The following DNAH14 variants were observed in gnomAD, a reference collection of about 807,000 sequenced individuals.
DNAH14 encodes dynein axonemal heavy chain 14.
In DNAH14, 478 loss-of-function variants were observed where a neutral mutation model predicts 520.9. That is an observed-to-expected ratio of 0.92 (90% CI 0.85 to 0.99). DNAH14 has a LOEUF of 0.99. Among genes scored for constraint, DNAH14 ranks in the 50% least tolerant of loss-of-function variants. DNAH14 has a pLI of 0.00. For synonymous variants in DNAH14, 1,581 were observed against 1,757.2 expected (o/e 0.90, Z 2.51); for missense variants, 4,831 against 5,234.5 (o/e 0.92, Z 2.38).
chr1:225,060,438 A>T (rs2069878195), intron 17 of DNAH14, among the ~76,000 whole-genome samples: 1 of 151,758 alleles, frequency 6.6e-6, no homozygotes, highest in African/African-American at 2.4e-5. Flanking sequence ...AAGGGTTTTA[A>T]CTTCTTTGCC....
At chr1:224,969,051 A>G (rs995246018) in intron 7 of DNAH14, 177 bp downstream of exon 7, 1 of 453,500 alleles carries the variant, frequency 2.2e-6, no homozygotes. Flanking sequence ...AGAAATGCCA[A>G]TAATTTTGGC....
intron 23 of DNAH14, among the ~76,000 whole-genome samples, chr1:225,112,270 T>G (rs756533052): frequency 1.3e-5 from 2 of 152,190 alleles, no homozygotes; most frequent in Non-Finnish European, 2.9e-5. Context: ...TTTTTCCTTC[T>G]GCACTTCAAG....
At chr1:225,083,151 T>C (rs1027543703) in intron 20 of DNAH14, among the ~76,000 whole-genome samples, 1 of 152,140 alleles carries the variant, frequency 6.6e-6, no homozygotes, top group Non-Finnish European at 1.5e-5. Context: ...ACATTATATT[T>C]AAAATGCATA....
intron 77 of DNAH14, among the ~76,000 whole-genome samples, chr1:225,374,318 G>A (rs1275426506): frequency 6.9e-6 from 1 of 144,544 alleles, no homozygotes; most frequent in Non-Finnish European, 1.5e-5. Flanking sequence ...CTGGAGTACA[G>A]CGGCCTGATC....
At chr1:225,135,804 A>C (rs1203503125) in intron 27 of DNAH14, among the ~76,000 whole-genome samples, 1 of 152,084 alleles carries the variant, frequency 6.6e-6, no homozygotes. Context: ...ATCTCTTTGT[A>C]GGTCTCTAAG....
chr1:225,036,544 C>T (rs1478167775), intron 11 of DNAH14, among the ~76,000 whole-genome samples: 1 of 152,098 alleles, frequency 6.6e-6, no homozygotes, highest in African/African-American at 2.4e-5. Flanking sequence ...GTGTCTGTTC[C>T]CATACATCTT....
chr1:225,346,213 T>G lies in DNAH14; in HGVS notation c.10930T>G (p.Ser3644Ala). 1.3e-6 allele frequency: 2 copies of G among 1,551,620 alleles called. No homozygotes were observed. Among genetic ancestry groups the G allele is most frequent in the Non-Finnish European group, 1.7e-6 (2 of 1,146,962 alleles). ...TCAGGTTTTTGTTTCATCAGTAGTT[T>G]CCAAAAGCAAAGAACAAGAACATAG... ...FHQVFVSSVV[S>A]KSKEQEHSFK... Residue 3644 changes from serine (S) to alanine (A), a missense_variant, in exon 70 of 86, where the codon TCC becomes GCC. Physicochemically the swap from Ser to Ala is moderately conservative, Grantham distance 99. Coordinates refer to ENST00000682510, the MANE Select transcript of DNAH14 (RefSeq NM_001367479.1).
Position 225,100,737 on chromosome 1 carries a change from T to G in DNAH14, c.3720T>G (p.Leu1240=). 2 of 1,515,406 alleles carry G rather than the reference T, an allele frequency of 1.3e-6. No homozygotes were observed. The highest frequency in any genetic ancestry group is 1.8e-6 in the Non-Finnish European group (2 of 1,136,202). 93.9% of individuals were successfully genotyped at this position (1,515,406 alleles called of 1,614,324 possible). ...IRRQLPAETE[L]FSQVISMWKK... ...GGCAACTCCCAGCAGAAACAGAACT[T>G]TTCTCTCAAGTGATTTCCATGTGGA... Residue 1240 remains leucine, a synonymous_variant, in exon 23 of 86, where the codon CTT becomes CTG. Transcript: ENST00000682510.
intron 10 of DNAH14, among the ~76,000 whole-genome samples, chr1:225,011,254 C>A (rs544379911): frequency 6.6e-6 from 1 of 152,198 alleles, no homozygotes; most frequent in South Asian, 2.1e-4. Flanking sequence ...AAACTTCCCT[C>A]TAAACACTGC....
At chr1:225,215,711 T>G (rs2089208440) in intron 41 of DNAH14, among the ~76,000 whole-genome samples, 1 of 152,182 alleles carries the variant, frequency 6.6e-6, no homozygotes, top group South Asian at 2.1e-4. Flanking sequence ...GAGACTAGGA[T>G]TGCAACCCTG....
chr1:225,335,860 T>G (rs545446859), intron 66 of DNAH14, among the ~76,000 whole-genome samples: 1 of 62,302 alleles, frequency 1.6e-5, no homozygotes, highest in African/African-American at 6.7e-5. Flanking sequence ...TATGTACATA[T>G]ATGTACATAC....
At chr1:225,224,536 A>C (rs547756691) in intron 41 of DNAH14, among the ~76,000 whole-genome samples, 1 of 152,316 alleles carries the variant, frequency 6.6e-6, no homozygotes, top group African/African-American at 2.4e-5. Flanking sequence ...TTTGAGTAAA[A>C]GACAATTCAA....
chr1:225,187,102 A>G (rs1223795913), intron 37 of DNAH14, among the ~76,000 whole-genome samples: 1 of 151,824 alleles, frequency 6.6e-6, no homozygotes, highest in African/African-American at 2.4e-5. Flanking sequence ...TAAAAATTTT[A>G]TACCCAATAA....
At chr1:225,183,057 A>G (rs1224885239) in intron 36 of DNAH14, among the ~76,000 whole-genome samples, 1 of 152,030 alleles carries the variant, frequency 6.6e-6, no homozygotes, top group African/African-American at 2.4e-5. Flanking sequence ...CGGTGTGAAG[A>G]GACTCCTTCC....
At chr1:225,200,957 AC>A (rs1374745588) in intron 38 of DNAH14, among the ~76,000 whole-genome samples, 1 of 151,842 alleles carries the variant, frequency 6.6e-6, no homozygotes, top group Non-Finnish European at 1.5e-5. Flanking sequence ...TGTTATCCAA[AC>A]TTTTAGATTT....
intron 3 of DNAH14, among the ~76,000 whole-genome samples, chr1:224,958,531 G>A (rs1014359062): frequency 6.6e-6 from 1 of 152,072 alleles, no homozygotes; most frequent in Non-Finnish European, 1.5e-5. Flanking sequence ...AAAGAGAAAG[G>A]TGAAATAAAA....
rs186597479 is a variant in DNAH14 at position 225,168,887 on chromosome 1, G to A, written c.5535+859G>A. 4.1e-4 allele frequency among the ~76,000 whole-genome samples: 63 copies of A among 152,306 alleles called. 1 individual carries two copies. The highest frequency in any genetic ancestry group is 1.3e-3 in the African/African-American group (55 of 41,574). On this transcript the variant is annotated intron_variant, in intron 36 of 85. Transcript: ENST00000682510. ...TCTCTGACCCTCAAGTAGCCTAACT[G>A]GGAGGCATGCCCTAGTAGGGGCAGA... is the stretch of plus-strand genomic sequence containing the variant.
chr1:225,283,274 T>C (rs2093664507), intron 54 of DNAH14, among the ~76,000 whole-genome samples: 1 of 152,048 alleles, frequency 6.6e-6, no homozygotes, highest in Admixed American at 6.5e-5. Context: ...AACTATATGC[T>C]ATCAACAAAA....
chr1:225,363,034 A>T (rs1229456327), intron 75 of DNAH14, among the ~76,000 whole-genome samples: 2 of 151,990 alleles, frequency 1.3e-5, no homozygotes, highest in East Asian at 3.9e-4. Flanking sequence ...CCTTGTAATG[A>T]TTTGGTTTGT....
Sources: allele counts gnomAD v4.1 joint callset (sites outside exome capture counted in the v4.1 genomes callset), GRCh38; gene constraint gnomAD v4.1.1; transcripts MANE v1.5; gene names NCBI Gene and HGNC (gene_info 2026-07-23, HGNC 2026-07-21).